NOL4: variants seen among roughly 807,000 people sequenced by gnomAD.
NOL4 encodes the protein cancer/testis antigen 125.
NOL4 carries 17 observed loss-of-function variants against 75.9 expected under a neutral mutation model. The observed-to-expected ratio is 0.22, with a 90% confidence interval of 0.15 to 0.34. NOL4 has a LOEUF of 0.34. Among genes scored for constraint, NOL4 ranks in the 10% least tolerant of loss-of-function variants. NOL4 has a pLI of 1.00. For missense variants in NOL4, 614 were observed against 793.5 expected (o/e 0.77, Z 2.72); for synonymous variants, 292 against 289.9 (o/e 1.01, Z -0.07).
intron 9 of NOL4, among the ~76,000 whole-genome samples, chr18:33,934,968 C>T (rs1438683396): frequency 2.6e-5 from 4 of 151,050 alleles, no homozygotes; most frequent in Non-Finnish European, 4.4e-5. Flanking sequence ...AAGCAATCCT[C>T]TCACCTCAGC....
At chr18:33,999,144 T>G (rs958394881) in intron 6 of NOL4, among the ~76,000 whole-genome samples, 1 of 135,668 alleles carries the variant, frequency 7.4e-6, no homozygotes, top group Non-Finnish European at 1.6e-5. Context: ...TAATGCTGAG[T>G]TTTTTTTTTT....
chr18:34,104,136 C>T lies in NOL4; in HGVS notation c.550G>A (p.Val184Met), dbSNP rs1470846192. Reference sequence around the variant, plus strand: ...ATGTTGTAGTCAATCATGCTGGTCACCAAAGTGGGAGGTTTTCCATTATCT... The same window carrying T: ...ATGTTGTAGTCAATCATGCTGGTCATCAAAGTGGGAGGTTTTCCATTATCT... ...HKDNGKPPTLVTSMIDYNMPI... is the reference protein window; with the variant it reads ...HKDNGKPPTLMTSMIDYNMPI... The change falls in exon 4 of 11, where the codon GTG becomes ATG. Residue 184 changes from valine to methionine, a missense_variant. By Grantham distance (21) the Val-to-Met change is conservative. Transcript: ENST00000261592. The T allele has an allele frequency of 4.3e-6, 7 of 1,610,392 alleles. No individual in the cohort carries two copies. Among genetic ancestry groups the T allele is most frequent in the African/African-American group, 1.3e-5 (1 of 74,768 alleles).
chr18:33,941,570 T>C (rs1347120660), intron 9 of NOL4, among the ~76,000 whole-genome samples: 1 of 151,916 alleles, frequency 6.6e-6, no homozygotes, highest in Non-Finnish European at 1.5e-5. Context: ...CAGTCTTTTC[T>C]AGACTGAATT....
chr18:34,179,704 C>T (rs2033868953), intron 1 of NOL4, among the ~76,000 whole-genome samples: 1 of 151,358 alleles, frequency 6.6e-6, no homozygotes, highest in Non-Finnish European at 1.5e-5. Flanking sequence ...ATATTGAAAC[C>T]GAATCACCAT....
At chr18:34,131,502 C>T (rs1483840323) in intron 1 of NOL4, among the ~76,000 whole-genome samples, 3 of 152,058 alleles carry the variant, frequency 2.0e-5, no homozygotes, top group Non-Finnish European at 4.4e-5. Flanking sequence ...CAAATTCTAA[C>T]TGTACCCACT....
intron 5 of NOL4, among the ~76,000 whole-genome samples, chr18:34,044,287 A>G (rs1270002007): frequency 6.6e-6 from 1 of 152,096 alleles, no homozygotes; most frequent in East Asian, 1.9e-4. Flanking sequence ...TCCATATGAA[A>G]AGAAAATAAA....
intron 1 of NOL4, among the ~76,000 whole-genome samples, chr18:34,211,887 A>G (rs2036539499): frequency 6.6e-6 from 1 of 152,138 alleles, no homozygotes; most frequent in Non-Finnish European, 1.5e-5. Context: ...GCTATTTTTT[A>G]TATTCTATTC....
At chr18:34,040,422 A>T (rs2144789724) in intron 5 of NOL4, among the ~76,000 whole-genome samples, 1 of 152,034 alleles carries the variant, frequency 6.6e-6, no homozygotes, top group East Asian at 1.9e-4. Flanking sequence ...TCAAAATAGA[A>T]ACTATTTTGA....
chr18:33,882,317 G>A (rs948572889), intron 10 of NOL4, among the ~76,000 whole-genome samples: 45 of 152,114 alleles, frequency 3.0e-4, no homozygotes, highest in African/African-American at 1.0e-3. Flanking sequence ...CTGACAAAGG[G>A]CTAATATCCA....
At chr18:34,199,946 A>G (rs1317583134) in intron 1 of NOL4, among the ~76,000 whole-genome samples, 6 of 151,976 alleles carry the variant, frequency 3.9e-5, no homozygotes, top group Non-Finnish European at 8.9e-5. Flanking sequence ...ATAACTGGAT[A>G]CCAACAAGAG....
intron 8 of NOL4, among the ~76,000 whole-genome samples, chr18:33,955,892 T>C (rs997777932): frequency 1.3e-5 from 2 of 152,218 alleles, no homozygotes; most frequent in Admixed American, 1.3e-4. Context: ...ATATCTAGGC[T>C]ATTTGGTTTA....
intron 10 of NOL4, among the ~76,000 whole-genome samples, chr18:33,871,580 G>A (rs943149781): frequency 1.1e-4 from 16 of 151,968 alleles, no homozygotes; most frequent in Non-Finnish European, 1.6e-4. Context: ...CAAGCCAACC[G>A]TAATGAGCCC....
intron 5 of NOL4, among the ~76,000 whole-genome samples, chr18:34,085,130 G>T (rs2078188192): frequency 6.6e-6 from 1 of 152,156 alleles, no homozygotes; most frequent in Non-Finnish European, 1.5e-5. Context: ...TAAATCAATA[G>T]GTTCAAAATT....
intron 5 of NOL4, among the ~76,000 whole-genome samples, chr18:34,086,700 T>G (rs2078259942): frequency 6.6e-6 from 1 of 152,184 alleles, no homozygotes; most frequent in African/African-American, 2.4e-5. Flanking sequence ...ACTAAAATTT[T>G]ATTCACATAT....
chr18:33,874,178 T>C (rs2063826937), intron 10 of NOL4, among the ~76,000 whole-genome samples: 1 of 151,852 alleles, frequency 6.6e-6, no homozygotes, highest in Admixed American at 6.6e-5. Context: ...TCTTGGTCAT[T>C]ATGCAGAACA....
At chr18:34,084,930 G>C (rs2078178649) in intron 5 of NOL4, among the ~76,000 whole-genome samples, 1 of 152,188 alleles carries the variant, frequency 6.6e-6, no homozygotes, top group Non-Finnish European at 1.5e-5. Context: ...AGAAGTAGTA[G>C]CTAGCTGACC....
At chr18:34,112,440 T>C (rs192410348) in intron 2 of NOL4, among the ~76,000 whole-genome samples, 2 of 151,584 alleles carry the variant, frequency 1.3e-5, no homozygotes, top group Non-Finnish European at 2.9e-5. Context: ...TGATATAAAA[T>C]ATATATCAAT....
At chr18:33,868,707 G>C (rs550422344) in intron 10 of NOL4, among the ~76,000 whole-genome samples, 61 of 150,344 alleles carry the variant, frequency 4.1e-4, no homozygotes, top group South Asian at 3.8e-3. Flanking sequence ...ATCCCAGAGT[G>C]ATTAAATTTG....
chr18:34,163,534 G>A (rs988860221), intron 1 of NOL4, among the ~76,000 whole-genome samples: 3 of 152,084 alleles, frequency 2.0e-5, no homozygotes, highest in Admixed American at 6.5e-5. Context: ...CAACTTACAA[G>A]GGATGTGAAG....
Sources: allele counts gnomAD v4.1 joint callset (sites outside exome capture counted in the v4.1 genomes callset), GRCh38; gene constraint gnomAD v4.1.1; transcripts MANE v1.5; gene names NCBI Gene and HGNC (gene_info 2026-07-23, HGNC 2026-07-21).